Variants in MAP3K1 observed in about 807,000 individuals in gnomAD.
MAP3K1 encodes mitogen-activated protein kinase kinase kinase 1, also known as MAP/ERK kinase kinase 1.
Under a neutral mutation model 144.2 loss-of-function variants are expected in MAP3K1, and 36 were observed. That is an observed-to-expected ratio of 0.25 (90% CI 0.19 to 0.33). MAP3K1 has a LOEUF of 0.33. Among genes scored for constraint, MAP3K1 ranks in the 10% least tolerant of loss-of-function variants. MAP3K1 has a pLI of 1.00. For synonymous variants in MAP3K1, 718 were observed against 688.7 expected, an observed-to-expected ratio of 1.04 and a Z score of -0.67; for missense variants, 1,650 against 1,881.9, an observed-to-expected ratio of 0.88 and a Z score of 2.28.
At chr5:56,844,047 ATTAATGACACATGTAGGTC>A (rs1258782795) in intron 1 of MAP3K1, among the ~76,000 whole-genome samples, 1 of 152,124 alleles carries the variant, frequency 6.6e-6, no homozygotes, top group East Asian at 1.9e-4. Flanking sequence ...CCCCTTGGAG[ATTAATGACACATGTAGGTC>A]TTATTAGAGG....
intron 1 of MAP3K1, among the ~76,000 whole-genome samples, chr5:56,829,343 C>T (rs901756798): frequency 1.5e-5 from 2 of 134,898 alleles, no homozygotes; most frequent in African/African-American, 2.7e-5. Flanking sequence ...CCACTGTGCC[C>T]GGCAAATTTT....
At chr5:56,857,253 G>A (rs1747370346) in intron 2 of MAP3K1, among the ~76,000 whole-genome samples, 1 of 152,042 alleles carries the variant, frequency 6.6e-6, no homozygotes, top group Non-Finnish European at 1.5e-5. Flanking sequence ...CATTTGACAT[G>A]AAAAAATGTT....
intron 1 of MAP3K1, among the ~76,000 whole-genome samples, chr5:56,832,521 T>C (rs940344055): frequency 1.3e-5 from 2 of 152,324 alleles, no homozygotes; most frequent in African/African-American, 4.8e-5. Flanking sequence ...ATTTTACATA[T>C]GAGAAATCAG....
chr5:56,884,667 A>G lies in MAP3K1; in HGVS notation c.3823A>G (p.Thr1275Ala). The G allele has an allele frequency of 1.2e-6, 2 of 1,613,734 alleles. No individual in the cohort carries two copies. The highest frequency in any genetic ancestry group is 1.7e-6 in the Non-Finnish European group (2 of 1,179,806). The change falls in exon 16 of 20, where the codon ACT becomes GCT. Residue 1275 changes from threonine (T) to alanine (A), a missense_variant. This residue lies in a region of MAP3K1 where 165 missense variants were observed against 322.9 expected (regional missense o/e 0.51). Transcript: ENST00000399503. Reference protein sequence around the residue: ...TGTLMAVKQVTYVRNTSSEQE... With the variant: ...TGTLMAVKQVAYVRNTSSEQE... ...TGAACGTGTTTATTTGAAACAGGTG[A>G]CTTATGTCAGAAACACATCTTCTGA...
At position 56,875,028 on chromosome 5, in the gene MAP3K1, A is replaced by T; in HGVS notation, c.1687-4A>T. 6.2e-7 allele frequency: 1 copy of T among 1,614,144 alleles called. No homozygotes were observed. The highest frequency in any genetic ancestry group is 1.1e-5 in the South Asian group (1 of 91,084). ...ATTGAATTCATCGTGTGTGTTTGATACAGGTGTTTGGAATGGAACTCGTTG... is the reference window on the plus strand; with the variant it reads ...ATTGAATTCATCGTGTGTGTTTGATTCAGGTGTTTGGAATGGAACTCGTTG... On this transcript the variant is annotated splice_polypyrimidine_tract_variant and splice_region_variant and intron_variant, in intron 9 of 19. Coordinates refer to ENST00000399503, the MANE Select transcript of MAP3K1 (RefSeq NM_005921.2).
chr5:56,889,473 T>C (rs574405584), intron 19 of MAP3K1, among the ~76,000 whole-genome samples: 8 of 152,350 alleles, frequency 5.3e-5, no homozygotes, highest in African/African-American at 1.9e-4. Flanking sequence ...AATTTACTAT[T>C]TTGTATATTT....
rs1242702105 is a variant in MAP3K1 at position 56,864,913 on chromosome 5, C to T, written c.1014C>T (p.Tyr338=). 4 of 1,613,966 alleles carry T rather than the reference C, an allele frequency of 2.5e-6. No homozygotes were observed. The Admixed American group carries it at 5.0e-5, about 20-fold the overall frequency. Residue 338 remains tyrosine (Y), a synonymous_variant, in exon 4 of 20, where the codon TAC becomes TAT. Transcript: ENST00000399503. ...LIGGDSPDNK[Y]RVFIGPQNCS... ...GAGGAGACAGCCCAGACAATAAATA[C>T]CGGGTGTTTATTGGGCCTCAGGTAG... is the stretch of plus-strand genomic sequence containing the variant.
intron 1 of MAP3K1, 33 bp downstream of exon 1, chr5:56,816,088 T>G: frequency 8.3e-7 from 1 of 1,202,730 alleles, no homozygotes; most frequent in Admixed American, 4.4e-5. Flanking sequence ...CGGCGGGGAC[T>G]TGGAGAGCGG....
Position 56,815,657 on chromosome 5 carries a change from A to C in MAP3K1, c.84A>C (p.Gly28=), listed in dbSNP as rs1387900709. 2 of 1,332,914 alleles carry C rather than the reference A, an allele frequency of 1.5e-6. No individual in the cohort carries two copies. Among genetic ancestry groups the C allele is most frequent in the African/African-American group, 1.5e-5 (1 of 65,190 alleles). 82.6% of individuals were successfully genotyped at this position (1,332,914 alleles called of 1,614,324 possible). ...CGAGCCCTGAGGCAGGCGGCGGCGG[A>C]GGAGCCCTCAAGGCGAGCAGCGCGC... is the stretch of plus-strand genomic sequence containing the variant. ...RATSPEAGGG[G]GALKASSAPA... Residue 28 remains glycine, a synonymous_variant, in exon 1 of 20, where the codon GGA becomes GGC. Coordinates refer to ENST00000399503, the MANE Select transcript of MAP3K1 (RefSeq NM_005921.2).
At chr5:56,878,340 T>C (rs1748102680) in intron 10 of MAP3K1, among the ~76,000 whole-genome samples, 1 of 152,018 alleles carries the variant, frequency 6.6e-6, no homozygotes, top group Admixed American at 6.6e-5. Context: ...TTACAAGAAA[T>C]ACCTAATGTA....
At chr5:56,878,930 C>T in intron 10 of MAP3K1, 50 bp from the exon 11 acceptor site, 1 of 1,592,630 alleles carries the variant, frequency 6.3e-7, no homozygotes, top group Non-Finnish European at 8.6e-7. Flanking sequence ...GCCATTATCT[C>T]TGATGCTTTT....
intron 1 of MAP3K1, among the ~76,000 whole-genome samples, chr5:56,842,650 T>C (rs544885561): frequency 5.9e-4 from 90 of 152,320 alleles, no homozygotes; most frequent in African/African-American, 2.0e-3. Flanking sequence ...GTAAAAGACT[T>C]AGAACAAGGT....
At chr5:56,880,406 G>GT (rs1748169151) in intron 11 of MAP3K1, among the ~76,000 whole-genome samples, 1 of 152,020 alleles carries the variant, frequency 6.6e-6, no homozygotes, top group African/African-American at 2.4e-5. Context: ...CAAGGTCCTT[G>GT]TTTTTTCTTT....
intron 14 of MAP3K1, 23 bp from the exon 15 acceptor site, chr5:56,883,504 G>T (rs780142495): frequency 1.1e-5 from 18 of 1,612,008 alleles, no homozygotes; most frequent in Non-Finnish European, 1.4e-5. Context: ...ACAGTAAAAA[G>T]ATTGCTTTCG....
At chr5:56,831,403 C>G (rs192858949) in intron 1 of MAP3K1, among the ~76,000 whole-genome samples, 2 of 152,254 alleles carry the variant, frequency 1.3e-5, no homozygotes, top group East Asian at 3.9e-4. Flanking sequence ...CCTAATCAGG[C>G]TTCTTTCTAG....
At chr5:56,867,938 T>C (rs939858133) in intron 6 of MAP3K1, among the ~76,000 whole-genome samples, 1 of 152,170 alleles carries the variant, frequency 6.6e-6, no homozygotes, top group African/African-American at 2.4e-5. Flanking sequence ...TTGGAGAACG[T>C]TGAATGGCCT....
In MAP3K1 at chr5:56,884,803, A is replaced by G. The variant is rs752166816; in HGVS notation, c.3959A>G (p.Asn1320Ser). The G allele has an allele frequency of 1.9e-6, 3 of 1,613,692 alleles. No homozygotes were observed. Among genetic ancestry groups the G allele is most frequent in the African/African-American group, 1.3e-5 (1 of 75,038 alleles). Residue 1320 changes from asparagine to serine, a missense_variant, in exon 16 of 20, where the codon AAT becomes AGT. Around this residue, in one of 6 missense-constraint regions of MAP3K1, gnomAD observed 165 missense variants for 322.9 expected, o/e 0.51. Coordinates refer to ENST00000399503, the MANE Select transcript of MAP3K1 (RefSeq NM_005921.2). ...GCCACGTGTGAGAAGAGCAATTACA[A>G]TCTCTTCATTGAATGGATGGCAGGT... ...LGATCEKSNY[N>S]LFIEWMAGGS... is the part of the protein sequence containing the mutation.
In MAP3K1 at chr5:56,879,111, T is replaced by C. The variant is rs368500667; in HGVS notation, c.2087+10T>C. The C allele has an allele frequency of 8.1e-6, 13 of 1,613,754 alleles. No individual in the cohort carries two copies. Among genetic ancestry groups the C allele is most frequent in the Non-Finnish European group, 1.0e-5 (12 of 1,179,794 alleles). The stretch of plus-strand genomic sequence containing the variant: ...GTGCAGATGCCAATAGGTAAGGCTT[T>C]ATTGATGAATCACTTCAAACCCTCT... On this transcript the variant is annotated intron_variant, in intron 11 of 19. Coordinates refer to ENST00000399503, the MANE Select transcript of MAP3K1 (RefSeq NM_005921.2).
intron 12 of MAP3K1, 38 bp from the exon 13 acceptor site, chr5:56,881,045 T>C: frequency 1.3e-6 from 2 of 1,507,844 alleles, no homozygotes; most frequent in Non-Finnish European, 1.8e-6. Flanking sequence ...TTAATATCAC[T>C]ATTTTTTAAT....
Sources: gnomAD v4.1 joint callset for allele counts (sites outside exome capture counted in the v4.1 genomes callset) on GRCh38, gnomAD v4.1.1 for gene constraint, gnomAD v4.1.1 regional missense constraint, MANE v1.5 for transcripts, NCBI Gene and HGNC (gene_info 2026-07-23, HGNC 2026-07-21) for gene names.